Variants in ARHGAP6 observed in about 807,000 individuals in gnomAD.
ARHGAP6 encodes Rho GTPase activating protein 6.
Under a neutral mutation model 55.7 loss-of-function variants are expected in ARHGAP6, and 16 were observed. That is an observed-to-expected ratio of 0.29 (90% CI 0.19 to 0.44). The LOEUF is 0.44. ARHGAP6 is among the 20% of genes least tolerant of loss of function. ARHGAP6 has a pLI of 1.00. For missense variants in ARHGAP6, 698 were observed against 808.9 expected (o/e 0.86, Z 1.66); for synonymous variants, 382 against 360.9 (o/e 1.06, Z -0.66).
chrX:11,194,071 A>G (rs1000145782), intron 3 of ARHGAP6, among the ~76,000 whole-genome samples: 1 of 112,600 alleles, frequency 8.9e-6, no homozygotes, highest in East Asian at 2.8e-4. Context: ...TACCAACCTG[A>G]GTGATCCCTT....
At chrX:11,297,164 G>C (rs1240166937) in intron 1 of ARHGAP6, among the ~76,000 whole-genome samples, 1 of 112,020 alleles carries the variant, frequency 8.9e-6, no homozygotes, top group East Asian at 2.8e-4. Flanking sequence ...GTAAGGATTA[G>C]GTAAGATGTT....
At chrX:11,189,490 G>C (rs1188938933) in intron 3 of ARHGAP6, among the ~76,000 whole-genome samples, 1 of 112,115 alleles carries the variant, frequency 8.9e-6, no homozygotes, top group Non-Finnish European at 1.9e-5. Context: ...GTAAGAGTTA[G>C]CATGTGAAAT....
At chrX:11,211,282 C>T (rs1406061072) in intron 2 of ARHGAP6, among the ~76,000 whole-genome samples, 4 of 101,373 alleles carry the variant, frequency 3.9e-5, no homozygotes, top group African/African-American at 7.5e-5. Context: ...AGTGCACTGG[C>T]GCGATCTCGG....
chrX:11,251,955 A>C (rs769964022), intron 2 of ARHGAP6, among the ~76,000 whole-genome samples: 1 of 112,390 alleles, frequency 8.9e-6, no homozygotes, highest in East Asian at 2.8e-4. Context: ...AAATGAGAAA[A>C]TTATTTGTAA....
At chrX:11,288,000 A>G (rs927761396) in intron 1 of ARHGAP6, among the ~76,000 whole-genome samples, 1 of 112,351 alleles carries the variant, frequency 8.9e-6, no homozygotes, top group Non-Finnish European at 1.9e-5. Flanking sequence ...TGCTGATCCC[A>G]GAGATGCTCA....
chrX:11,222,122 C>G (rs1206728248), intron 2 of ARHGAP6, among the ~76,000 whole-genome samples: 3 of 111,182 alleles, frequency 2.7e-5, no homozygotes, highest in African/African-American at 9.8e-5. Context: ...ACTTTTCTAC[C>G]CAGTGAGAAA....
chrX:11,521,532 T>C (rs1425572352), intron 1 of ARHGAP6, among the ~76,000 whole-genome samples: 2 of 111,930 alleles, frequency 1.8e-5, no homozygotes, highest in South Asian at 3.7e-4. Context: ...TGTTTTGGTA[T>C]CAGTACCATG....
intron 5 of ARHGAP6, 66 bp from the exon 6 acceptor site, chrX:11,182,184 T>C (rs2147336197): frequency 2.0e-6 from 2 of 980,406 alleles, no homozygotes. Context: ...GAAATCAAAA[T>C]ACAGAGCAGA....
At chrX:11,515,120 G>C (rs1372634724) in intron 1 of ARHGAP6, among the ~76,000 whole-genome samples, 1 of 111,956 alleles carries the variant, frequency 8.9e-6, no homozygotes, top group African/African-American at 3.2e-5. Context: ...AGTAATGTCT[G>C]TCATGGACCT....
At chrX:11,330,958 C>T (rs947299595) in intron 1 of ARHGAP6, among the ~76,000 whole-genome samples, 1 of 111,660 alleles carries the variant, frequency 9.0e-6, no homozygotes, top group Admixed American at 9.5e-5. Context: ...AAAATGAAGA[C>T]TGCTGCTGAG....
At chrX:11,332,806 ATG>A (rs1161332942) in intron 1 of ARHGAP6, among the ~76,000 whole-genome samples, 2 of 112,055 alleles carry the variant, frequency 1.8e-5, no homozygotes, top group African/African-American at 6.5e-5. Context: ...GAATGTGTGT[ATG>A]TGTGTGTATT....
chrX:11,464,897 C>T (rs1451038736), intron 1 of ARHGAP6, among the ~76,000 whole-genome samples: 1 of 112,051 alleles, frequency 8.9e-6, no homozygotes, highest in African/African-American at 3.2e-5. Flanking sequence ...AGCTGGCTTC[C>T]CCATCTATCC....
intron 1 of ARHGAP6, among the ~76,000 whole-genome samples, chrX:11,520,478 A>G (rs2050910743): frequency 9.2e-6 from 1 of 109,086 alleles, no homozygotes; most frequent in Non-Finnish European, 1.9e-5. Flanking sequence ...ATGTCCCTAC[A>G]AAGGACATGA....
intron 1 of ARHGAP6, among the ~76,000 whole-genome samples, chrX:11,433,467 G>A (rs1426998993): frequency 8.9e-6 from 1 of 112,016 alleles, no homozygotes; most frequent in Non-Finnish European, 1.9e-5. Flanking sequence ...TAATATATAT[G>A]TTCTATTCAA....
In ARHGAP6 at chrX:11,566,789, A is replaced by C. The variant is rs7885413; in HGVS notation, c.588+97452T>G. ...GTAAGTTAAGGCCATGAGAGCAAAAAAGGATTGCAAAGCATAACAAAAGCC... is the reference window on the plus strand; with the variant it reads ...GTAAGTTAAGGCCATGAGAGCAAAACAGGATTGCAAAGCATAACAAAAGCC... On this transcript the variant is annotated intron_variant, in intron 1 of 12. Transcript: ENST00000337414. 1.8e-3 allele frequency among the ~76,000 whole-genome samples: 204 copies of C among 112,568 alleles called. 1 individual carries two copies. The highest frequency in any genetic ancestry group is 6.3e-3 in the African/African-American group (194 of 31,021).
At chrX:11,172,186 A>G (rs1409094725) in intron 8 of ARHGAP6, among the ~76,000 whole-genome samples, 1 of 111,149 alleles carries the variant, frequency 9.0e-6, no homozygotes, top group Non-Finnish European at 1.9e-5. Context: ...TTGGTACACG[A>G]GTTGTATTAT....
At chrX:11,328,213 A>C (rs774192308) in intron 1 of ARHGAP6, among the ~76,000 whole-genome samples, 1 of 112,239 alleles carries the variant, frequency 8.9e-6, no homozygotes, top group African/African-American at 3.2e-5. Context: ...TTGCACATAC[A>C]TCTCCAAACA....
chrX:11,330,441 T>A (rs750920049), intron 1 of ARHGAP6, among the ~76,000 whole-genome samples: 2 of 111,855 alleles, frequency 1.8e-5, no homozygotes, highest in East Asian at 2.8e-4. Context: ...TATATAATTT[T>A]AAAAATTCTG....
At chrX:11,277,713 A>T (rs775364680) in intron 1 of ARHGAP6, among the ~76,000 whole-genome samples, 6 of 107,891 alleles carry the variant, frequency 5.6e-5, no homozygotes, top group African/African-American at 1.7e-4. Context: ...TTTTTTTTAA[A>T]AAAAAATTAG....
Sources: gnomAD v4.1 joint callset for allele counts (sites outside exome capture counted in the v4.1 genomes callset) on GRCh38, gnomAD v4.1.1 for gene constraint, MANE v1.5 for transcripts, NCBI Gene and HGNC (gene_info 2026-07-23, HGNC 2026-07-21) for gene names.